The following WDR47 variants were observed in gnomAD, a reference collection of about 807,000 sequenced individuals.
WDR47 encodes the protein WD repeat-containing protein 47.
WDR47 carries 32 observed loss-of-function variants against 97.2 expected under a neutral mutation model. The observed-to-expected ratio is 0.33, with a 90% confidence interval of 0.25 to 0.44. The LOEUF is 0.44. Ranked by LOEUF, WDR47 falls within the 20% of genes least tolerant of loss-of-function variation. The pLI is 1.00. For missense variants in WDR47, 782 were observed against 1,102.3 expected, an observed-to-expected ratio of 0.71 and a Z score of 4.11; for synonymous variants, 375 against 373.5, an observed-to-expected ratio of 1.00 and a Z score of -0.05.
In WDR47 at chr1:108,995,692, AGTCTTGGGGTG is replaced by A; in HGVS notation, c.1568_1578del (p.Pro523LeufsTer2). ...GCATCATGTGTTAATCTCTGACTAG[AGTCTTGGGGTG>A]GTGTAGTAAAACTAGTCACAGAAGA... On this transcript the variant is annotated frameshift_variant, in exon 8 of 15. Transcript: ENST00000369962. LOFTEE classifies it high-confidence loss of function. The A allele has an allele frequency of 6.2e-7, 1 of 1,614,096 alleles. No individual in the cohort carries two copies. Among genetic ancestry groups the A allele is most frequent in the Non-Finnish European group, 8.5e-7 (1 of 1,180,014 alleles).
At chr1:109,021,457 G>A (rs1410985358) in intron 2 of WDR47, among the ~76,000 whole-genome samples, 1 of 151,548 alleles carries the variant, frequency 6.6e-6, no homozygotes, top group Non-Finnish European at 1.5e-5. Flanking sequence ...GAACCCAGGA[G>A]GTGGAGGTTG....
intron 5 of WDR47, 84 bp from the exon 6 acceptor site, chr1:109,004,799 A>G: frequency 1.4e-6 from 2 of 1,405,692 alleles, no homozygotes; most frequent in Non-Finnish European, 1.9e-6. Flanking sequence ...ATTTTATTTT[A>G]TTATTATTAT....
chr1:108,982,315 T>C (rs1658403581), intron 12 of WDR47, among the ~76,000 whole-genome samples: 1 of 152,122 alleles, frequency 6.6e-6, no homozygotes, highest in South Asian at 2.1e-4. Flanking sequence ...GGATGATTGC[T>C]TGAGCCCAGG....
intron 1 of WDR47, among the ~76,000 whole-genome samples, chr1:109,032,110 T>A (rs1399677037): frequency 7.2e-6 from 1 of 139,250 alleles, no homozygotes; most frequent in Admixed American, 7.7e-5. Flanking sequence ...TCAATCTTTC[T>A]TTATGAGACT....
rs1661032792 is a variant in WDR47, at chr1:109,011,478, T to C, written c.568A>G (p.Ser190Gly). The change falls in exon 5 of 15, where the codon AGT (serine) becomes GGT (glycine). Residue 190 changes from serine to glycine, a missense_variant. Coordinates refer to ENST00000369962, the MANE Select transcript of WDR47 (RefSeq NM_001142551.2). Reference protein sequence around the residue: ...RKLSEAGFKASNNRLFQLVMK... With the variant: ...RKLSEAGFKAGNNRLFQLVMK... ...ACAAGCTGAAATAAACGATTGTTACTAGCCTTAAAACCAGCTTCACTTAGC... is the reference window on the plus strand; with the variant it reads ...ACAAGCTGAAATAAACGATTGTTACCAGCCTTAAAACCAGCTTCACTTAGC... 6.2e-7 allele frequency: 1 copy of C among 1,614,106 alleles called. No homozygotes were observed. The highest frequency in any genetic ancestry group is 1.1e-5 in the South Asian group (1 of 91,090).
intron 5 of WDR47, among the ~76,000 whole-genome samples, chr1:109,006,123 A>G (rs1660592556): frequency 6.6e-6 from 1 of 152,096 alleles, no homozygotes; most frequent in South Asian, 2.1e-4. Flanking sequence ...GGCTGGGCAC[A>G]GTGGCTCACA....
intron 8 of WDR47, chr1:108,992,354 C>T (rs1370906471): frequency 2.0e-6 from 2 of 998,662 alleles, no homozygotes; most frequent in East Asian, 2.4e-5. Context: ...TCTTCGTGTT[C>T]ACTTTAAGAA....
chr1:109,020,503 C>A (rs1661756276), intron 2 of WDR47, among the ~76,000 whole-genome samples: 1 of 152,128 alleles, frequency 6.6e-6, no homozygotes, highest in Non-Finnish European at 1.5e-5. Context: ...ACCTCGTGAT[C>A]CACCCACCTT....
rs1341537717 is a variant in WDR47 at position 109,041,949 on chromosome 1, G to A, written c.-97C>T. The A allele has an allele frequency of 1.3e-5, 2 of 152,558 alleles. No homozygotes were observed. The highest frequency in any genetic ancestry group is 4.8e-5 in the African/African-American group (2 of 41,470). The allele number at this position is 152,558 out of a possible 1,614,324, so 9.5% of individuals were successfully genotyped here. A position where few individuals can be genotyped will look rare whatever the true frequency, so the allele number is the denominator to read the frequency against. ...CCAGGGCCCCGAAGCGGCCGGCTCC[G>A]GGCTGCGGCAGGAGCACGACGGCGG... On this transcript the variant is annotated 5_prime_UTR_variant, in exon 1 of 15. Transcript: ENST00000369962.
chr1:108,998,935 A>C (rs968959341), intron 7 of WDR47, among the ~76,000 whole-genome samples: 1 of 152,190 alleles, frequency 6.6e-6, no homozygotes, highest in African/African-American at 2.4e-5. Flanking sequence ...AGAAAAAATA[A>C]TTAAACAAAA....
Position 109,011,114 on chromosome 1 carries a change from C to T in WDR47, c.932G>A (p.Arg311His). ...GCCATCTAAAGCAGGATTCAGAGAG[C>T]GGGTCATATAGGCATCAGCTGATTG... is the stretch of plus-strand genomic sequence containing the variant. ...RPQSADAYMT[R>H]SLNPALDGLT... Residue 311 changes from arginine (R) to histidine (H), a missense_variant, in exon 5 of 15, where the codon CGC becomes CAC. By Grantham distance (29) the Arg-to-His change is conservative (BLOSUM62 0). Around this residue, in one of 3 missense-constraint regions of WDR47, gnomAD observed 428 missense variants for 584.3 expected, o/e 0.73. Coordinates refer to ENST00000369962, the MANE Select transcript of WDR47 (RefSeq NM_001142551.2). The T allele has an allele frequency of 4.3e-6, 7 of 1,613,944 alleles. No homozygotes were observed. Among genetic ancestry groups the T allele is most frequent in the Non-Finnish European group, 5.9e-6 (7 of 1,179,998 alleles).
intron 2 of WDR47, among the ~76,000 whole-genome samples, chr1:109,019,820 C>A (rs910075021): frequency 6.6e-6 from 1 of 152,204 alleles, no homozygotes; most frequent in Non-Finnish European, 1.5e-5. Context: ...AGTTACAAGG[C>A]ATTCTTACAT....
At chr1:109,037,050 C>T (rs1663004444) in intron 1 of WDR47, among the ~76,000 whole-genome samples, 1 of 152,170 alleles carries the variant, frequency 6.6e-6, no homozygotes, top group South Asian at 2.1e-4. Context: ...AAGAAAATCG[C>T]CAGGTGCGGT....
At chr1:109,017,824 G>A (rs188800018) in intron 2 of WDR47, among the ~76,000 whole-genome samples, 1 of 150,842 alleles carries the variant, frequency 6.6e-6, no homozygotes, top group Admixed American at 6.6e-5. Context: ...TCGGCTCACT[G>A]CACCCTCTGA....
rs963975782 is a variant in WDR47, at chr1:108,993,834, C to T, written c.1691+1746G>A. The stretch of plus-strand genomic sequence containing the variant: ...AGTTTAGTGATAAATATTAAGAAAA[C>T]TCATCATGTACAGACACATGAACAC... On this transcript the variant is annotated intron_variant, in intron 8 of 14. Transcript: ENST00000369962. 3.3e-5 allele frequency among the ~76,000 whole-genome samples: 5 copies of T among 152,116 alleles called. No homozygotes were observed. In the East Asian group the frequency reaches 9.6e-4, roughly 29 times the overall value.
At position 109,013,848 on chromosome 1, in the gene WDR47, G is replaced by C; in HGVS notation, c.320C>G (p.Pro107Arg). 1 of 1,613,376 alleles carries C rather than the reference G, an allele frequency of 6.2e-7. No homozygotes were observed. Among genetic ancestry groups the C allele is most frequent in the Non-Finnish European group, 8.5e-7 (1 of 1,179,848 alleles). Residue 107 changes from proline (P) to arginine (R), a missense_variant, in exon 4 of 15, where the codon CCC becomes CGC. Pro to Arg is a moderately radical substitution (Grantham distance 103). Around this residue, in one of 3 missense-constraint regions of WDR47, gnomAD observed 428 missense variants for 584.3 expected, o/e 0.73. Transcript: ENST00000369962. ...CAGGAATAAAAATCTTACATGCTGG[G>C]GCTCATCTTCTGCTGACATCGCGTT... ...VNNAMSAEDE[P>R]QHLEFTMQEA...
intron 6 of WDR47, among the ~76,000 whole-genome samples, chr1:109,002,978 A>G (rs911066979): frequency 1.3e-5 from 2 of 152,224 alleles, no homozygotes; most frequent in Admixed American, 1.3e-4. Context: ...CAGCAATCCC[A>G]CTGAGTATCC....
chr1:108,996,877 G>C (rs910879593), intron 7 of WDR47, among the ~76,000 whole-genome samples: 3 of 152,174 alleles, frequency 2.0e-5, no homozygotes, highest in Admixed American at 6.5e-5. Flanking sequence ...CAGCACTTTG[G>C]GAGGCTGAGG....
intron 4 of WDR47, 114 bp downstream of exon 4, chr1:109,013,727 C>T (rs1661209638): frequency 9.4e-7 from 1 of 1,067,194 alleles, no homozygotes; most frequent in Admixed American, 2.4e-5. Context: ...CTTGCCCCAT[C>T]CCAGCTCATA....
Sources: gnomAD v4.1 joint callset for allele counts (sites outside exome capture counted in the v4.1 genomes callset) on GRCh38, gnomAD v4.1.1 for gene constraint, gnomAD v4.1.1 regional missense constraint, MANE v1.5 for transcripts, NCBI Gene and HGNC (gene_info 2026-07-23, HGNC 2026-07-21) for gene names.